Variants in WRN observed in about 807,000 individuals in gnomAD.
WRN encodes the protein bifunctional 3'-5' exonuclease/ATP-dependent helicase WRN.
A neutral mutation model predicts 180.7 loss-of-function variants in WRN; 149 were observed. That is an observed-to-expected ratio of 0.82 (90% confidence interval 0.72 to 0.94). The LOEUF is 0.94. Ranked by LOEUF, WRN falls within the 40% of genes least tolerant of loss-of-function variation. The pLI is 0.00. For synonymous variants in WRN, 548 were observed against 568.9 expected (o/e 0.96, Z 0.52); for missense variants, 1,661 against 1,700.1 (o/e 0.98, Z 0.40).
intron 8 of WRN, among the ~76,000 whole-genome samples, chr8:31,078,185 A>G (rs1255548886): frequency 6.6e-6 from 1 of 152,206 alleles, no homozygotes. Context: ...TACTTTTTAC[A>G]TATTGAAGCT....
At position 31,124,823 on chromosome 8, in the gene WRN, G is replaced by A. The variant is rs1156892279; in HGVS notation, c.2733-85G>A. 4.4e-6 allele frequency: 6 copies of A among 1,350,258 alleles called. No homozygotes were observed. The South Asian group carries it at 6.1e-5, about 14-fold the overall frequency. 83.6% of individuals were successfully genotyped at this position (1,350,258 alleles called of 1,614,324 possible). A position where few individuals can be genotyped will look rare whatever the true frequency, so the allele number is the denominator to read the frequency against. Reference sequence around the variant, plus strand: ...GAAGTCCCAAGTGAATCAATTAATGGTGATTTTACCTCATTATTTTCAGGA... The same window carrying A: ...GAAGTCCCAAGTGAATCAATTAATGATGATTTTACCTCATTATTTTCAGGA... On this transcript the variant is annotated intron_variant, in intron 22 of 34. Coordinates refer to ENST00000298139, the MANE Select transcript of WRN (RefSeq NM_000553.6).
At chr8:31,039,045 T>C (rs1400674256) in intron 1 of WRN, among the ~76,000 whole-genome samples, 1 of 152,212 alleles carries the variant, frequency 6.6e-6, no homozygotes, top group Admixed American at 6.5e-5. Flanking sequence ...TCAAGATTAT[T>C]TTGGCTATTT....
At chr8:31,118,481 A>G (rs1356355074) in intron 20 of WRN, among the ~76,000 whole-genome samples, 68 of 152,038 alleles carry the variant, frequency 4.5e-4, no homozygotes, top group Non-Finnish European at 7.4e-5. Context: ...ATGTTTCATC[A>G]TCTATGTAGA....
chr8:31,076,477 A>G (rs1813100287), intron 8 of WRN, among the ~76,000 whole-genome samples, 190 bp downstream of exon 8: 1 of 152,188 alleles, frequency 6.6e-6, no homozygotes, highest in Admixed American at 6.5e-5. Flanking sequence ...CCAAAGGTTT[A>G]AGCCTTTTCT....
intron 1 of WRN, among the ~76,000 whole-genome samples, chr8:31,052,859 C>G (rs1303356863): frequency 6.6e-6 from 1 of 152,110 alleles, no homozygotes; most frequent in African/African-American, 2.4e-5. Flanking sequence ...TAGGGTTGCA[C>G]AATTAATGAA....
intron 17 of WRN, among the ~76,000 whole-genome samples, chr8:31,100,449 A>G (rs1249198468): frequency 1.3e-5 from 2 of 152,140 alleles, no homozygotes; most frequent in African/African-American, 4.8e-5. Context: ...TTCAGTAGAA[A>G]TTTGCTGACT....
chr8:31,139,653 A>G (rs1802529659), intron 24 of WRN, among the ~76,000 whole-genome samples: 1 of 152,182 alleles, frequency 6.6e-6, no homozygotes, highest in Non-Finnish European at 1.5e-5. Flanking sequence ...GTAACCACAA[A>G]ATGGATGCCT....
intron 18 of WRN, among the ~76,000 whole-genome samples, chr8:31,104,817 G>T (rs1169345965): frequency 6.6e-6 from 1 of 152,106 alleles, no homozygotes; most frequent in African/African-American, 2.4e-5. Flanking sequence ...ATTTGTGTGG[G>T]TCTATTTCTG....
At chr8:31,129,401 ATACT>A (rs1802057314) in intron 23 of WRN, among the ~76,000 whole-genome samples, 1 of 152,240 alleles carries the variant, frequency 6.6e-6, no homozygotes, top group South Asian at 2.1e-4. Flanking sequence ...AAAGCCTGAA[ATACT>A]TACTATCTGG....
chr8:31,150,758 TGTGGTA>T, intron 31 of WRN, among the ~76,000 whole-genome samples: 1 of 152,332 alleles, frequency 6.6e-6, no homozygotes, highest in South Asian at 2.1e-4. Flanking sequence ...TACATTCAAA[TGTGGTA>T]GTTGGAATTT....
chr8:31,064,986 G>C lies in WRN; in HGVS notation c.427G>C (p.Asp143His), dbSNP rs1060500063. The change falls in exon 5 of 35, where the codon GAT becomes CAT. Residue 143 changes from aspartate (D) to histidine (H), a missense_variant. Physicochemically the swap from Asp to His is moderately conservative, Grantham distance 81. Coordinates refer to ENST00000298139, the MANE Select transcript of WRN (RefSeq NM_000553.6). The stretch of plus-strand genomic sequence containing the variant: ...AAAGGCAGGTGTAGGAATTGAAGGA[G>C]ATCAGTGGAAACTTCTACGTGACTT... ...VKKAGVGIEG[D>H]QWKLLRDFDI... 10 of 1,613,696 alleles carry C rather than the reference G, an allele frequency of 6.2e-6. No homozygotes were observed. The highest frequency in any genetic ancestry group is 1.3e-5 in the African/African-American group (1 of 75,042).
At chr8:31,131,549 A>G (rs1365734287) in intron 23 of WRN, 1 of 152,456 alleles carries the variant, frequency 6.6e-6, no homozygotes, top group East Asian at 1.9e-4. Context: ...AGACATCTCC[A>G]TGTCTGCTGC....
chr8:31,110,409 TATCTC>T (rs1213073983), intron 18 of WRN, among the ~76,000 whole-genome samples: 3 of 152,170 alleles, frequency 2.0e-5, no homozygotes, highest in Non-Finnish European at 4.4e-5. Context: ...TGATGCCAAT[TATCTC>T]ATCACATTAG....
chr8:31,111,901 T>C, intron 19 of WRN, 102 bp downstream of exon 19: 1 of 1,383,496 alleles, frequency 7.2e-7, no homozygotes, highest in Non-Finnish European at 9.9e-7. Context: ...TAATGCATAT[T>C]TAACATATTT....
rs925324252 is a variant in WRN at position 31,059,222 on chromosome 8, A to G, written c.166A>G (p.Ser56Gly). The change falls in exon 3 of 35, where the codon AGT becomes GGT. Residue 56 changes from serine (S) to glycine (G), a missense_variant. By Grantham distance (56) the Ser-to-Gly change is moderately conservative (BLOSUM62 0). This residue lies in a region of WRN where 500 missense variants were observed against 504.1 expected (regional missense o/e 0.99). Coordinates refer to ENST00000298139, the MANE Select transcript of WRN (RefSeq NM_000553.6). ...FLEFTGSIVY[S>G]YDASDCSFLS... ...AGAATTCACTGGATCCATTGTGTATAGTTACGATGCTAGTGATTGCTCTTT... is the reference window on the plus strand; with the variant it reads ...AGAATTCACTGGATCCATTGTGTATGGTTACGATGCTAGTGATTGCTCTTT... The G allele has an allele frequency of 1.2e-6, 2 of 1,613,764 alleles. No individual in the cohort carries two copies. Among genetic ancestry groups the G allele is most frequent in the African/African-American group, 2.7e-5 (2 of 74,926 alleles).
chr8:31,091,724 A>T, intron 15 of WRN, 106 bp from the exon 16 acceptor site: 2 of 1,168,410 alleles, frequency 1.7e-6, no homozygotes, highest in Non-Finnish European at 2.5e-6. Context: ...AATTGCAAAG[A>T]ACAGGAATAT....
intron 27 of WRN, 104 bp downstream of exon 27, chr8:31,142,805 A>T: frequency 9.6e-7 from 1 of 1,041,654 alleles, no homozygotes; most frequent in Non-Finnish European, 1.4e-6. Flanking sequence ...AGAAAATGGC[A>T]TATATAACAA....
intron 20 of WRN, among the ~76,000 whole-genome samples, chr8:31,119,209 G>T (rs978294581): frequency 2.7e-5 from 4 of 145,960 alleles, no homozygotes; most frequent in South Asian, 2.2e-4. Flanking sequence ...TCTTCCTTTC[G>T]TATTCCTGGT....
chr8:31,110,209 G>T (rs1361182302), intron 18 of WRN, among the ~76,000 whole-genome samples: 2 of 152,162 alleles, frequency 1.3e-5, no homozygotes, highest in Admixed American at 6.5e-5. Flanking sequence ...TGTTAACACA[G>T]ATGCACCCAT....
Sources: allele counts gnomAD v4.1 joint callset (sites outside exome capture counted in the v4.1 genomes callset), GRCh38; gene constraint gnomAD v4.1.1; regional missense constraint gnomAD v4.1.1; transcripts MANE v1.5; gene names NCBI Gene and HGNC (gene_info 2026-07-23, HGNC 2026-07-21).